PDE7A: variants seen among roughly 807,000 people sequenced by gnomAD.
PDE7A encodes the protein phosphodiesterase 7A, also known as high affinity 3',5'-cyclic-AMP phosphodiesterase 7A.
Under a neutral mutation model 64.3 loss-of-function variants are expected in PDE7A, and 39 were observed. The ratio of observed to expected loss-of-function variants is 0.61; its 90% CI spans 0.47 to 0.79. The LOEUF (loss-of-function observed/expected upper bound fraction) is 0.79. Among genes scored for constraint, PDE7A ranks in the 30% least tolerant of loss-of-function variants. PDE7A has a pLI of 0.00. For synonymous variants in PDE7A, 203 were observed against 206.8 expected, an observed-to-expected ratio of 0.98 and a Z score of 0.16; for missense variants, 470 against 582.8, an observed-to-expected ratio of 0.81 and a Z score of 1.99.
At chr8:65,780,473 A>C (rs1809383310) in intron 2 of PDE7A, among the ~76,000 whole-genome samples, 1 of 152,220 alleles carries the variant, frequency 6.6e-6, no homozygotes, top group Non-Finnish European at 1.5e-5. Flanking sequence ...TGTCGTTCCT[A>C]CATGTGCCCA....
intron 1 of PDE7A, among the ~76,000 whole-genome samples, chr8:65,836,494 C>T (rs1300993230): frequency 6.6e-6 from 1 of 152,080 alleles, no homozygotes; most frequent in Admixed American, 6.5e-5. Flanking sequence ...AAGGATAGAT[C>T]CTTTTGTGAA....
chr8:65,756,717 C>A (rs1413957880), intron 3 of PDE7A, among the ~76,000 whole-genome samples: 1 of 152,080 alleles, frequency 6.6e-6, no homozygotes, highest in Non-Finnish European at 1.5e-5. Flanking sequence ...CATTTAACAT[C>A]TTTGACTAGT....
At chr8:65,748,370 G>C (rs1807784872) in intron 3 of PDE7A, among the ~76,000 whole-genome samples, 1 of 152,136 alleles carries the variant, frequency 6.6e-6, no homozygotes, top group South Asian at 2.1e-4. Context: ...CTAAAGGATA[G>C]GGATAAAAAT....
intron 1 of PDE7A, among the ~76,000 whole-genome samples, chr8:65,801,857 G>GA (rs1809995174): frequency 6.6e-6 from 1 of 152,116 alleles, no homozygotes; most frequent in African/African-American, 2.4e-5. Context: ...TAAGGTTCAG[G>GA]AAAAAACTAT....
At chr8:65,808,540 A>G (rs559383527) in intron 1 of PDE7A, among the ~76,000 whole-genome samples, 15 of 152,314 alleles carry the variant, frequency 9.8e-5, no homozygotes, top group Non-Finnish European at 2.9e-5. Context: ...CAATGAACAG[A>G]TACTAGGACT....
intron 3 of PDE7A, among the ~76,000 whole-genome samples, chr8:65,778,552 G>C (rs1479299095): frequency 6.6e-6 from 1 of 152,190 alleles, no homozygotes; most frequent in Non-Finnish European, 1.5e-5. Context: ...CTGAATTCCT[G>C]ATTCTCGGAA....
At chr8:65,747,057 G>C (rs2128906381) in intron 4 of PDE7A, among the ~76,000 whole-genome samples, 1 of 152,212 alleles carries the variant, frequency 6.6e-6, no homozygotes, top group Middle Eastern at 3.4e-3. Context: ...ATATAAAGAG[G>C]AAGTAAATAA....
At chr8:65,770,172 A>G (rs1809015540) in intron 3 of PDE7A, among the ~76,000 whole-genome samples, 1 of 145,644 alleles carries the variant, frequency 6.9e-6, no homozygotes, top group Non-Finnish European at 1.5e-5. Context: ...TGCCACACCT[A>G]ATTCTTTTTT....
intron 6 of PDE7A, among the ~76,000 whole-genome samples, chr8:65,737,990 T>C (rs1407949069): frequency 6.6e-6 from 1 of 152,246 alleles, no homozygotes; most frequent in Non-Finnish European, 1.5e-5. Context: ...GGTCTCTCAC[T>C]ATTAAGTATA....
intron 1 of PDE7A, among the ~76,000 whole-genome samples, chr8:65,798,253 G>A (rs1809905453): frequency 7.0e-6 from 1 of 142,344 alleles, no homozygotes; most frequent in Admixed American, 7.2e-5. Flanking sequence ...CCAGGCTGCT[G>A]GAGTGCAGTG....
intron 1 of PDE7A, among the ~76,000 whole-genome samples, chr8:65,793,310 G>A (rs1318789658): frequency 6.6e-6 from 1 of 151,874 alleles, no homozygotes; most frequent in African/African-American, 2.4e-5. Context: ...AAAACATATA[G>A]CAAATCTGCA....
intron 1 of PDE7A, among the ~76,000 whole-genome samples, chr8:65,798,206 A>ATATATATATATATATATTTTTTTTT: frequency 5.4e-5 from 4 of 73,832 alleles, no homozygotes; most frequent in African/African-American, 1.8e-4. Context: ...ATATATATAT[A>ATATATATATATATATATTTTTTTTT]TTTTTTTTTT....
intron 1 of PDE7A, among the ~76,000 whole-genome samples, chr8:65,838,077 CA>C (rs1810993097): frequency 6.7e-6 from 1 of 149,422 alleles, no homozygotes; most frequent in African/African-American, 2.5e-5. Context: ...TATAAATTAA[CA>C]ATAGATTTCT....
intron 1 of PDE7A, among the ~76,000 whole-genome samples, chr8:65,803,981 T>C (rs934221914): frequency 5.9e-5 from 9 of 152,040 alleles, no homozygotes; most frequent in African/African-American, 4.8e-5. Flanking sequence ...CTAGAAAAAA[T>C]ATGCATCATT....
intron 3 of PDE7A, among the ~76,000 whole-genome samples, chr8:65,773,994 T>C (rs1022834810): frequency 1.1e-4 from 17 of 152,162 alleles, no homozygotes; most frequent in African/African-American, 3.9e-4. Flanking sequence ...CCACAGCCAA[T>C]CCTTATTTAT....
chr8:65,815,597 TA>T (rs759858051), intron 1 of PDE7A, among the ~76,000 whole-genome samples: 12 of 151,870 alleles, frequency 7.9e-5, no homozygotes, highest in Non-Finnish European at 7.4e-5. Context: ...AAAATTCCAA[TA>T]AATGTTAAAA....
chr8:65,720,579 T>A (rs1806332537), intron 12 of PDE7A: 1 of 154,140 alleles, frequency 6.5e-6, no homozygotes, highest in Non-Finnish European at 1.5e-5. Context: ...TCTGAAATAT[T>A]AATTATGTAC....
chr8:65,780,798 C>T (rs1160833062), intron 2 of PDE7A: 1 of 152,246 alleles, frequency 6.6e-6, no homozygotes, highest in African/African-American at 2.4e-5. Flanking sequence ...AGCCTCTATC[C>T]CTTTGCTCTT....
At chr8:65,777,677 A>G (rs1315672330) in intron 3 of PDE7A, among the ~76,000 whole-genome samples, 1 of 152,026 alleles carries the variant, frequency 6.6e-6, no homozygotes, top group East Asian at 1.9e-4. Flanking sequence ...TTAGTTTGAC[A>G]GTTTATTTTT....
Sources: allele counts gnomAD v4.1 joint callset (sites outside exome capture counted in the v4.1 genomes callset), GRCh38; gene constraint gnomAD v4.1.1; transcripts MANE v1.5; gene names NCBI Gene and HGNC (gene_info 2026-07-23, HGNC 2026-07-21).